FER1L6: variants seen among roughly 807,000 people sequenced by gnomAD.
FER1L6 encodes the protein fer-1 like family member 6, also known as fer-1-like protein 6.
A neutral mutation model predicts 219.2 loss-of-function variants in FER1L6; 177 were observed. That is an observed-to-expected ratio of 0.81 (90% confidence interval 0.71 to 0.91). The LOEUF is 0.91. Ranked by LOEUF, FER1L6 falls within the 40% of genes least tolerant of loss-of-function variation. The pLI is 0.00. For synonymous variants in FER1L6, 768 were observed against 824.3 expected, an observed-to-expected ratio of 0.93 and a Z score of 1.17; for missense variants, 2,153 against 2,259.9, an observed-to-expected ratio of 0.95 and a Z score of 0.96.
intron 40 of FER1L6, 112 bp from the exon 41 acceptor site, chr8:124,119,495 C>A (rs1334682522): frequency 2.8e-6 from 2 of 712,462 alleles, no homozygotes; most frequent in Non-Finnish European, 5.0e-6. Context: ...ATTTTCAGGG[C>A]TCTCCCTATG....
intron 1 of FER1L6, among the ~76,000 whole-genome samples, chr8:123,896,228 T>A (rs1294043514): frequency 1.3e-5 from 2 of 152,162 alleles, no homozygotes; most frequent in African/African-American, 2.4e-5. Flanking sequence ...GCCCCAAAAC[T>A]TCCAGATTCC....
At chr8:123,945,604 A>G (rs113541559) in intron 1 of FER1L6, among the ~76,000 whole-genome samples, 3 of 152,234 alleles carry the variant, frequency 2.0e-5, no homozygotes, top group African/African-American at 7.2e-5. Flanking sequence ...TGTCTGAGGT[A>G]TGGATGATTG....
rs71576706 is a variant in FER1L6 at position 123,856,316 on chromosome 8, G to GTGTATGTATATATATATA, written c.-8+4132_-8+4133insGTATGTATATATATATAT. Among the ~76,000 whole-genome samples, 2 of 45,112 alleles carry GTGTATGTATATATATATA rather than the reference G, an allele frequency of 4.4e-5. 1 individual carries two copies. Among genetic ancestry groups the GTGTATGTATATATATATA allele is most frequent in the African/African-American group, 1.7e-4 (2 of 11,494 alleles). The allele number at this position is 45,112 out of a possible 152,430, so 29.6% of individuals were successfully genotyped here. A position where few individuals can be genotyped will look rare whatever the true frequency, so the allele number is the denominator to read the frequency against. ...TGTATATATATATATATATGTATGT[G>GTGTATGTATATATATATA]TATATATATATATATATATATATAT... On this transcript the variant is annotated intron_variant, in intron 1 of 40. Coordinates refer to ENST00000522917, the MANE Select transcript of FER1L6 (RefSeq NM_001039112.2).
rs1398772738 is a variant in FER1L6 at position 123,853,074 on chromosome 8, G to A, written c.-8+889G>A. ...GCTCAGGTTGGTCTCAAACTCCTGGGCTCAAGCGATCCTCCTGCCTCAGCC... is the reference window on the plus strand; with the variant it reads ...GCTCAGGTTGGTCTCAAACTCCTGGACTCAAGCGATCCTCCTGCCTCAGCC... On this transcript the variant is annotated intron_variant, in intron 1 of 40. Transcript: ENST00000522917. The surrounding 1 kb of genome is among the most constrained non-coding windows in gnomAD (Gnocchi z 6.6). 6.6e-6 allele frequency among the ~76,000 whole-genome samples: 1 copy of A among 152,136 alleles called. No individual in the cohort carries two copies. Among genetic ancestry groups the A allele is most frequent in the Non-Finnish European group, 1.5e-5 (1 of 68,018 alleles).
chr8:123,931,509 G>A (rs751679410), intron 1 of FER1L6, among the ~76,000 whole-genome samples: 5 of 152,334 alleles, frequency 3.3e-5, no homozygotes, highest in South Asian at 2.1e-4. Flanking sequence ...AGTAAGTACC[G>A]CAGGATATGG....
chr8:124,064,670 A>C, intron 26 of FER1L6, 97 bp downstream of exon 26: 2 of 1,011,856 alleles, frequency 2.0e-6, no homozygotes, highest in Admixed American at 5.3e-5. Flanking sequence ...GACCATGGGC[A>C]AGCAGCTTCA....
intron 26 of FER1L6, among the ~76,000 whole-genome samples, chr8:124,065,833 A>G (rs1438285649): frequency 1.3e-5 from 2 of 152,196 alleles, no homozygotes; most frequent in Non-Finnish European, 2.9e-5. Context: ...GTCTTCTTCC[A>G]TGAATGCCAC....
intron 1 of FER1L6, among the ~76,000 whole-genome samples, chr8:123,945,738 A>T (rs1814458040): frequency 6.6e-6 from 1 of 152,242 alleles, no homozygotes; most frequent in African/African-American, 2.4e-5. Context: ...AGCTTGAGTG[A>T]AGTAAATTTT....
intron 1 of FER1L6, among the ~76,000 whole-genome samples, chr8:123,916,464 T>C (rs1813194159): frequency 6.6e-6 from 1 of 152,244 alleles, no homozygotes; most frequent in Non-Finnish European, 1.5e-5. Flanking sequence ...ATGTTTGCCC[T>C]ACTCTCTTGC....
At chr8:123,952,060 G>A (rs1814793159) in intron 1 of FER1L6, among the ~76,000 whole-genome samples, 1 of 151,280 alleles carries the variant, frequency 6.6e-6, no homozygotes. Flanking sequence ...GCTTTGCCGA[G>A]CGGTGGACAT....
chr8:123,898,670 C>T (rs1041738865), intron 1 of FER1L6, among the ~76,000 whole-genome samples: 7 of 133,874 alleles, frequency 5.2e-5, no homozygotes, highest in East Asian at 4.0e-4. Context: ...TATATATATA[C>T]GTATATATAT....
At position 123,966,203 on chromosome 8, in the gene FER1L6, C is replaced by T; in HGVS notation, c.297C>T (p.Asn99=). ...ITEARQLVGE[N]IDPVVTIEIG... is the part of the protein sequence containing the mutation. ...AGGCTCGCCAGCTGGTGGGTGAGAA[C>T]ATTGACCCAGTTGTGACCATTGAGA... is the stretch of plus-strand genomic sequence containing the variant. The change falls in exon 5 of 41, where the codon AAC becomes AAT. Residue 99 remains asparagine, a synonymous_variant. Transcript: ENST00000522917. 1 of 1,614,074 alleles carries T rather than the reference C, an allele frequency of 6.2e-7. No individual in the cohort carries two copies. The highest frequency in any genetic ancestry group is 8.5e-7 in the Non-Finnish European group (1 of 1,180,016).
intron 33 of FER1L6, among the ~76,000 whole-genome samples, chr8:124,083,729 C>G (rs1368116821): frequency 6.6e-6 from 1 of 151,344 alleles, no homozygotes; most frequent in East Asian, 1.9e-4. Flanking sequence ...GTTCTTTTCA[C>G]TTAGAATATA....
At chr8:124,070,339 T>C in intron 29 of FER1L6, 128 bp from the exon 30 acceptor site, 1 of 946,784 alleles carries the variant, frequency 1.1e-6, no homozygotes, top group Non-Finnish European at 1.6e-6. Flanking sequence ...GAAGATAAAT[T>C]ACCAGTGGCC....
intron 24 of FER1L6, among the ~76,000 whole-genome samples, chr8:124,061,540 TG>T (rs1228248979): frequency 3.3e-5 from 5 of 152,126 alleles, no homozygotes; most frequent in African/African-American, 1.2e-4. Flanking sequence ...AAGCTGTCTT[TG>T]GAGATGAGAG....
chr8:123,969,886 A>AAAC lies in FER1L6; in HGVS notation c.385-149_385-148insAAC, dbSNP rs377727638. 188 of 576,078 alleles carry AAAC rather than the reference A, an allele frequency of 3.3e-4. 1 individual carries two copies. The African/African-American group carries it at 3.4e-3, about 11-fold the overall frequency. The allele number at this position is 576,078 out of a possible 1,614,324, so 35.7% of individuals were successfully genotyped here. ...TGTCTCCAAAAAAAAAAAAAAAAAA[A>AAAC]GAGAATTGACAATTGACAATCAATT... On this transcript the variant is annotated intron_variant, in intron 5 of 40. Coordinates refer to ENST00000522917, the MANE Select transcript of FER1L6 (RefSeq NM_001039112.2).
intron 20 of FER1L6, among the ~76,000 whole-genome samples, chr8:124,044,059 G>A (rs1819617791): frequency 6.6e-6 from 1 of 152,214 alleles, no homozygotes; most frequent in Non-Finnish European, 1.5e-5. Flanking sequence ...ATCTTATTAA[G>A]TGGTATTTAC....
At chr8:123,960,308 G>A (rs1462703646) in intron 2 of FER1L6, among the ~76,000 whole-genome samples, 4 of 152,170 alleles carry the variant, frequency 2.6e-5, no homozygotes, top group Admixed American at 6.5e-5. Context: ...AAGTCTGGTT[G>A]AGAAGCAGTT....
At chr8:123,967,198 C>T (rs1228617548) in intron 5 of FER1L6, among the ~76,000 whole-genome samples, 1 of 152,188 alleles carries the variant, frequency 6.6e-6, no homozygotes, top group Non-Finnish European at 1.5e-5. Context: ...CCCTAGTCCT[C>T]TCCCTGGAAG....
Sources: gnomAD v4.1 joint callset for allele counts (sites outside exome capture counted in the v4.1 genomes callset) on GRCh38, gnomAD v4.1.1 for gene constraint, Gnocchi (gnomAD v3.1) non-coding constraint, MANE v1.5 for transcripts, NCBI Gene and HGNC (gene_info 2026-07-23, HGNC 2026-07-21) for gene names.